Variants in KCNMA1 observed in about 807,000 individuals in gnomAD.
The protein encoded by KCNMA1 is Calcium-activated potassium channel subunit alpha-1.
KCNMA1 carries 29 observed loss-of-function variants against 140.0 expected under a neutral mutation model. That is an observed-to-expected ratio of 0.21 (90% CI 0.15 to 0.28). The LOEUF (loss-of-function observed/expected upper bound fraction) is 0.28, where lower values mean the gene tolerates loss of function less well. KCNMA1 is among the 10% of genes least tolerant of loss of function. KCNMA1 has a pLI of 1.00. For synonymous variants in KCNMA1, 612 were observed against 611.9 expected (o/e 1.00, Z 0.00); for missense variants, 880 against 1,602.2 (o/e 0.55, Z 7.70).
At position 77,382,994 on chromosome 10, in the gene KCNMA1, G is replaced by GTGTGTGTGTGTATA. The variant is rs1491457588; in HGVS notation, c.540+20867_540+20868insTATACACACACACA. ...TGTGTGTGTGTGTGTGTGTGTGTGT[G>GTGTGTGTGTGTATA]TATATATATATATATATATATATAT... On this transcript the variant is annotated intron_variant, in intron 2 of 27. Coordinates refer to ENST00000286628, the MANE Select transcript of KCNMA1 (RefSeq NM_001161352.2). 5.7e-3 allele frequency among the ~76,000 whole-genome samples: 264 copies of GTGTGTGTGTGTATA among 46,352 alleles called. 1 individual carries two copies. Among genetic ancestry groups the GTGTGTGTGTGTATA allele is most frequent in the Non-Finnish European group, 9.3e-3 (235 of 25,226 alleles). The allele number at this position is 46,352 out of a possible 152,430, so 30.4% of individuals were successfully genotyped here.
intron 1 of KCNMA1, chr10:77,635,075 TC>T (rs1346859720): frequency 1.3e-5 from 2 of 152,300 alleles, no homozygotes; most frequent in East Asian, 3.9e-4. Flanking sequence ...GCAACTCACT[TC>T]CAGTTATGTC....
chr10:77,338,494 G>C (rs2089947917), intron 2 of KCNMA1, among the ~76,000 whole-genome samples: 1 of 152,106 alleles, frequency 6.6e-6, no homozygotes, highest in South Asian at 2.1e-4. Flanking sequence ...CAGACCCTAA[G>C]CCTCTGCTCC....
chr10:77,375,957 G>A (rs1207678458), intron 2 of KCNMA1, among the ~76,000 whole-genome samples: 1 of 152,178 alleles, frequency 6.6e-6, no homozygotes, highest in Non-Finnish European at 1.5e-5. Flanking sequence ...CCGTGGGTAT[G>A]AGCCTCCAGC....
intron 2 of KCNMA1, among the ~76,000 whole-genome samples, chr10:77,387,807 A>G (rs1453758588): frequency 6.6e-6 from 1 of 151,966 alleles, no homozygotes; most frequent in Non-Finnish European, 1.5e-5. Context: ...TAGTTGAGAC[A>G]GGGTTTTAGC....
intron 5 of KCNMA1, among the ~76,000 whole-genome samples, chr10:77,138,088 C>T (rs2098086749): frequency 6.6e-6 from 1 of 152,206 alleles, no homozygotes; most frequent in South Asian, 2.1e-4. Context: ...CATTCACCCA[C>T]ACACATGCAC....
intron 17 of KCNMA1, among the ~76,000 whole-genome samples, chr10:77,018,737 G>A (rs1348983567): frequency 6.6e-6 from 1 of 152,166 alleles, no homozygotes; most frequent in African/African-American, 2.4e-5. Context: ...GAATCAGGAT[G>A]ACCTCGAGCA....
chr10:77,540,432 T>C (rs2059915980), intron 1 of KCNMA1, among the ~76,000 whole-genome samples: 1 of 152,248 alleles, frequency 6.6e-6, no homozygotes, highest in African/African-American at 2.4e-5. Context: ...CTGTTCAGAC[T>C]ATAATTTGTT....
intron 1 of KCNMA1, among the ~76,000 whole-genome samples, chr10:77,462,059 AACACAGACACACATACACATAC>A (rs931648116): frequency 6.6e-6 from 1 of 151,908 alleles, no homozygotes; most frequent in Admixed American, 6.6e-5. Flanking sequence ...TAATATAAAC[AACACAGACACACATACACATAC>A]ACACGGACAC....
chr10:77,183,792 C>T (rs2154125524), intron 4 of KCNMA1, among the ~76,000 whole-genome samples: 1 of 152,156 alleles, frequency 6.6e-6, no homozygotes. Context: ...CGGCCTATTT[C>T]TATTTAATTT....
rs180747941 is a variant in KCNMA1, at chr10:77,525,099, G to A, written c.378+112166C>T. Among the ~76,000 whole-genome samples, 1,166 of 152,314 alleles carry A rather than the reference G, an allele frequency of 7.7e-3. 9 individuals carry two copies. The highest frequency in any genetic ancestry group is 0.013 in the Non-Finnish European group (888 of 68,030). Reference sequence around the variant, plus strand: ...ATTTTATCTGGACGATATCTACCATGACTTAATTTTGTAGCCAATGTATAC... The same window carrying A: ...ATTTTATCTGGACGATATCTACCATAACTTAATTTTGTAGCCAATGTATAC... On this transcript the variant is annotated intron_variant, in intron 1 of 27. Coordinates refer to ENST00000286628, the MANE Select transcript of KCNMA1 (RefSeq NM_001161352.2).
At chr10:76,914,261 T>G in intron 24 of KCNMA1, 2 of 714,914 alleles carry the variant, frequency 2.8e-6, no homozygotes, top group Non-Finnish European at 4.8e-6. Flanking sequence ...ACAGGTAGTT[T>G]GCATTTGTCT....
At chr10:77,124,529 G>A (rs1348280085) in intron 5 of KCNMA1, among the ~76,000 whole-genome samples, 1 of 151,984 alleles carries the variant, frequency 6.6e-6, no homozygotes, top group South Asian at 2.1e-4. Context: ...TGGCTTGCAG[G>A]AGAATCATTT....
chr10:76,943,293 CA>C (rs2063074230), intron 23 of KCNMA1, among the ~76,000 whole-genome samples: 1 of 152,194 alleles, frequency 6.6e-6, no homozygotes, highest in South Asian at 2.1e-4. Flanking sequence ...CACAGCTGAG[CA>C]GGTGGATACC....
intron 5 of KCNMA1, among the ~76,000 whole-genome samples, chr10:77,157,299 G>A (rs903489024): frequency 5.3e-5 from 8 of 152,074 alleles, no homozygotes; most frequent in South Asian, 2.1e-4. Context: ...AAAATTAGCC[G>A]GGCATGGTGG....
At chr10:77,151,178 C>G (rs1286098385) in intron 5 of KCNMA1, among the ~76,000 whole-genome samples, 3 of 121,546 alleles carry the variant, frequency 2.5e-5, no homozygotes, top group African/African-American at 9.9e-5. Flanking sequence ...TCTTTCTTTC[C>G]TTTCTTTCTT....
chr10:77,032,927 G>A (rs141877331), intron 15 of KCNMA1, among the ~76,000 whole-genome samples: 1 of 152,120 alleles, frequency 6.6e-6, no homozygotes, highest in Non-Finnish European at 1.5e-5. Flanking sequence ...ATGGAAACCT[G>A]TCATAGAGTT....
At chr10:77,352,640 GTGTGTGTGTT>G (rs1470829554) in intron 2 of KCNMA1, among the ~76,000 whole-genome samples, 6 of 151,684 alleles carry the variant, frequency 4.0e-5, no homozygotes, top group Non-Finnish European at 8.9e-5. Flanking sequence ...GTGTGTGTGT[GTGTGTGTGTT>G]TGTGTGTGTG....
chr10:77,344,613 CTT>C (rs2091768642), intron 2 of KCNMA1, among the ~76,000 whole-genome samples: 1 of 151,586 alleles, frequency 6.6e-6, no homozygotes, highest in South Asian at 2.1e-4. Context: ...ATTCCAAAGA[CTT>C]GCATATTTCA....
chr10:77,601,058 G>A (rs1237511721), intron 1 of KCNMA1, among the ~76,000 whole-genome samples: 1 of 152,236 alleles, frequency 6.6e-6, no homozygotes, highest in Non-Finnish European at 1.5e-5. Flanking sequence ...AAGCAAAAGA[G>A]AGACTTCATC....
Sources: allele counts gnomAD v4.1 joint callset (sites outside exome capture counted in the v4.1 genomes callset), GRCh38; gene constraint gnomAD v4.1.1; transcripts MANE v1.5; gene names NCBI Gene and HGNC (gene_info 2026-07-23, HGNC 2026-07-21).